The following ANO3 variants were observed in gnomAD, a reference collection of about 807,000 sequenced individuals.
ANO3 encodes anoctamin 3.
ANO3 carries 99 observed loss-of-function variants against 144.8 expected under a neutral mutation model. That is an observed-to-expected ratio of 0.68 (90% CI 0.58 to 0.81). ANO3 has a LOEUF of 0.81. Ranked by LOEUF, ANO3 falls within the 30% of genes least tolerant of loss-of-function variation. The pLI is 0.00. For missense variants in ANO3, 905 were observed against 1,202.2 expected, an observed-to-expected ratio of 0.75 and a Z score of 3.66; for synonymous variants, 414 against 392.6, an observed-to-expected ratio of 1.05 and a Z score of -0.64.
intron 1 of ANO3, among the ~76,000 whole-genome samples, chr11:26,234,000 GC>G (rs1272164240): frequency 1.3e-5 from 2 of 150,414 alleles, no homozygotes; most frequent in Admixed American, 1.3e-4. Flanking sequence ...TATGCGGGGG[GC>G]TGAAAACCTA....
At chr11:26,649,072 G>C (rs4922766) in intron 24 of ANO3, among the ~76,000 whole-genome samples, 99,906 of 152,012 alleles carry the variant, frequency 0.66, 34,281 homozygotes, top group East Asian at 0.82. Flanking sequence ...GGTTCGAGTT[G>C]TAACTTTGCC....
rs146208631 is a variant in ANO3 at position 26,394,953 on chromosome 11, A to G, written c.47-46965A>G. Reference sequence around the variant, plus strand: ...TTGTTGATCTCAGAATTAGTAATCAATAAATAAACAAAAATACAGCAGATA... The same window carrying G: ...TTGTTGATCTCAGAATTAGTAATCAGTAAATAAACAAAAATACAGCAGATA... On this transcript the variant is annotated intron_variant, in intron 1 of 26. Transcript: ENST00000256737. Among the ~76,000 whole-genome samples, 905 of 152,280 alleles carry G rather than the reference A, an allele frequency of 5.9e-3. 6 individuals carry two copies. The highest frequency in any genetic ancestry group is 0.014 in the Middle Eastern group (4 of 294).
chr11:26,207,635 A>G (rs1226855261), intron 1 of ANO3, among the ~76,000 whole-genome samples: 2 of 152,188 alleles, frequency 1.3e-5, no homozygotes, highest in African/African-American at 2.4e-5. Context: ...AAACTGAGGC[A>G]CAGATATATT....
At position 26,222,178 on chromosome 11, in the gene ANO3, G is replaced by T. The variant is rs147804358; in HGVS notation, c.154+32848G>T. On this transcript the variant is annotated intron_variant, in intron 1 of 27. Coordinates refer to the ANO3 transcript ENST00000672621. ...TAAGTCTTACCATCCCAAAATGAAG[G>T]ATTTGACCAGAAGAAAGGGGCTATA... Among the ~76,000 whole-genome samples the T allele has an allele frequency of 7.4e-4, 112 of 152,320 alleles. 1 individual carries two copies. Among genetic ancestry groups the T allele is most frequent in the African/African-American group, 2.6e-3 (109 of 41,576 alleles).
intron 4 of ANO3, among the ~76,000 whole-genome samples, chr11:26,481,236 T>C (rs530906764): frequency 6.6e-6 from 1 of 152,148 alleles, no homozygotes. Context: ...GACGATTTTA[T>C]GTGAAACGGG....
At chr11:26,548,618 A>C in intron 12 of ANO3, among the ~76,000 whole-genome samples, 1 of 152,012 alleles carries the variant, frequency 6.6e-6, no homozygotes, top group Non-Finnish European at 1.5e-5. Flanking sequence ...TATGCTTAAA[A>C]ACAAAACAGC....
At chr11:26,656,291 T>C (rs1434763882) in intron 25 of ANO3, 85 bp from the exon 26 acceptor site, 2 of 1,460,406 alleles carry the variant, frequency 1.4e-6, no homozygotes, top group African/African-American at 1.4e-5. Context: ...TAAACTGTTA[T>C]TTTGGCATTT....
chr11:26,634,503 T>C (rs1465953668), intron 19 of ANO3, among the ~76,000 whole-genome samples, 188 bp downstream of exon 19: 3 of 152,192 alleles, frequency 2.0e-5, no homozygotes, highest in Non-Finnish European at 4.4e-5. Flanking sequence ...AACAATTTTG[T>C]TAAAGAAGCA....
chr11:26,657,747 A>G (rs72881798), intron 26 of ANO3, among the ~76,000 whole-genome samples: 3,682 of 152,206 alleles, frequency 0.024, 54 homozygotes, highest in South Asian at 0.04. Context: ...GTTTCATGAA[A>G]CTTATTTTGT....
intron 20 of ANO3, among the ~76,000 whole-genome samples, chr11:26,636,831 T>C (rs1852975318): frequency 6.6e-6 from 1 of 152,242 alleles, no homozygotes; most frequent in Non-Finnish European, 1.5e-5. Context: ...GTAAGCATAC[T>C]AAAGTAAGTG....
intron 1 of ANO3, among the ~76,000 whole-genome samples, chr11:26,240,673 T>A (rs563433210): frequency 1.4e-4 from 21 of 152,226 alleles, no homozygotes; most frequent in East Asian, 1.2e-3. Context: ...ATAAAAAAAA[T>A]TTTGACTACC....
At chr11:26,220,303 A>G (rs1325770098) in intron 1 of ANO3, among the ~76,000 whole-genome samples, 1 of 152,222 alleles carries the variant, frequency 6.6e-6, no homozygotes, top group African/African-American at 2.4e-5. Flanking sequence ...GATCCTTACT[A>G]TAGGCAGGAT....
At chr11:26,489,143 C>G (rs1860597456) in intron 4 of ANO3, among the ~76,000 whole-genome samples, 1 of 152,130 alleles carries the variant, frequency 6.6e-6, no homozygotes. Flanking sequence ...GTGGGCTGGC[C>G]CAGGGACCCT....
At chr11:26,442,235 G>C in intron 2 of ANO3, 123 bp downstream of exon 2, 1 of 937,892 alleles carries the variant, frequency 1.1e-6, no homozygotes, top group Non-Finnish European at 1.6e-6. Context: ...GGCTGGCATA[G>C]AAAGGAGACC....
At chr11:26,343,563 A>G (rs1855419190) in intron 1 of ANO3, among the ~76,000 whole-genome samples, 2 of 152,150 alleles carry the variant, frequency 1.3e-5, no homozygotes, top group African/African-American at 4.8e-5. Flanking sequence ...ACTCCGTGGT[A>G]CACTTGCAGC....
chr11:26,458,142 T>C (rs1859238634), intron 3 of ANO3, among the ~76,000 whole-genome samples: 1 of 152,122 alleles, frequency 6.6e-6, no homozygotes, highest in South Asian at 2.1e-4. Flanking sequence ...TCTGGGCATA[T>C]GTGCAATAAA....
chr11:26,414,284 T>C lies in ANO3; in HGVS notation c.47-27634T>C, dbSNP rs1403034513. On this transcript the variant is annotated intron_variant, in intron 1 of 26. Transcript: ENST00000256737. ...TAAATCATTCTACTATAAAGACACA[T>C]GCACACGTATGTTTATTGCAGCACT... is the stretch of plus-strand genomic sequence containing the variant. Among the ~76,000 whole-genome samples, 4 of 152,206 alleles carry C rather than the reference T, an allele frequency of 2.6e-5. No individual in the cohort carries two copies. In the East Asian group the frequency reaches 7.8e-4, roughly 29 times the overall value.
intron 23 of ANO3, among the ~76,000 whole-genome samples, chr11:26,643,961 A>G (rs1234886146): frequency 2.6e-5 from 4 of 152,182 alleles, no homozygotes; most frequent in Non-Finnish European, 2.9e-5. Context: ...GGCCATCTCC[A>G]GATATTGAAC....
intron 14 of ANO3, among the ~76,000 whole-genome samples, chr11:26,587,363 A>G (rs1479392692): frequency 6.6e-6 from 1 of 152,198 alleles, no homozygotes; most frequent in African/African-American, 2.4e-5. Context: ...TACATACCTG[A>G]GAGAACCTTG....
Sources: gnomAD v4.1 joint callset for allele counts (sites outside exome capture counted in the v4.1 genomes callset) on GRCh38, gnomAD v4.1.1 for gene constraint, MANE v1.5 for transcripts, NCBI Gene and HGNC (gene_info 2026-07-23, HGNC 2026-07-21) for gene names.